DENND2C: variants seen among roughly 807,000 people sequenced by gnomAD.
DENND2C encodes DENN domain containing 2C, also known as DENN domain-containing protein 2C.
A neutral mutation model predicts 112.4 loss-of-function variants in DENND2C; 72 were observed. That is an observed-to-expected ratio of 0.64 (90% confidence interval 0.53 to 0.78). The LOEUF (loss-of-function observed/expected upper bound fraction) is 0.78, where lower values mean the gene tolerates loss of function less well. DENND2C is among the 30% of genes least tolerant of loss of function. DENND2C has a pLI of 0.00. For missense variants in DENND2C, 992 were observed against 1,113.8 expected (o/e 0.89, Z 1.56); for synonymous variants, 329 against 381.6 (o/e 0.86, Z 1.61).
intron 4 of DENND2C, among the ~76,000 whole-genome samples, chr1:114,623,875 T>G (rs1656258379): frequency 6.6e-6 from 1 of 152,074 alleles, no homozygotes; most frequent in Non-Finnish European, 1.5e-5. Context: ...CACCTGGGAT[T>G]AGAGGCGCGT....
intron 9 of DENND2C, among the ~76,000 whole-genome samples, chr1:114,609,210 C>T (rs920034593): frequency 1.3e-5 from 2 of 152,118 alleles, no homozygotes; most frequent in Non-Finnish European, 2.9e-5. Context: ...GAAAATGTCA[C>T]GAAAAAGCGC....
intron 3 of DENND2C, among the ~76,000 whole-genome samples, chr1:114,629,980 T>C (rs1411935325): frequency 6.6e-6 from 1 of 152,196 alleles, no homozygotes; most frequent in African/African-American, 2.4e-5. Context: ...TACAAAATAA[T>C]GAAGGGGTAC....
intron 2 of DENND2C, 130 bp from the exon 3 acceptor site, chr1:114,645,689 G>T (rs552706427): frequency 2.0e-4 from 31 of 152,172 alleles, no homozygotes; most frequent in Non-Finnish European, 3.5e-4. Flanking sequence ...AATTAAGCAA[G>T]GATTTTTGTT....
In DENND2C at chr1:114,625,686, T is replaced by A. The variant is rs753251455; in HGVS notation, c.299A>T (p.His100Leu). 6.2e-7 allele frequency: 1 copy of A among 1,614,120 alleles called. No individual in the cohort carries two copies. Among genetic ancestry groups the A allele is most frequent in the East Asian group, 2.2e-5 (1 of 44,872 alleles). Residue 100 changes from histidine to leucine, a missense_variant, in exon 4 of 21, where the codon CAT (histidine) becomes CTT (leucine). By Grantham distance (99) the His-to-Leu change is moderately conservative (BLOSUM62 -3). Transcript: ENST00000393274. ...HDQSENENKKHEYDDTHFFKN... is the reference protein window; with the variant it reads ...HDQSENENKKLEYDDTHFFKN... ...AAAGAAGTGTGTATCGTCATATTCA[T>A]GTTTCTTATTTTCATTCTCACTTTG...
rs1446512805 is a variant in DENND2C at position 114,625,784 on chromosome 1, C to G, written c.201G>C (p.Lys67Asn). 1 of 1,613,848 alleles carries G rather than the reference C, an allele frequency of 6.2e-7. No homozygotes were observed. Among genetic ancestry groups the G allele is most frequent in the Non-Finnish European group, 8.5e-7 (1 of 1,179,982 alleles). The change falls in exon 4 of 21, where the codon AAG (lysine) becomes AAC (asparagine). Residue 67 changes from lysine (K) to asparagine (N), a missense_variant. Lys to Asn is a moderately conservative substitution (Grantham distance 94, BLOSUM62 0). Transcript: ENST00000393274. ...GGCTGGTTACATCCAAGTTTTTGCTCTTTCTCTCAGCTATAGGATTTTTCT... is the reference window on the plus strand; with the variant it reads ...GGCTGGTTACATCCAAGTTTTTGCTGTTTCTCTCAGCTATAGGATTTTTCT... Reference protein sequence around the residue: ...RLKKNPIAERKSKNLDVTSRE... With the variant: ...RLKKNPIAERNSKNLDVTSRE...
chr1:114,626,510 C>CTTTTTTT (rs11412901), intron 3 of DENND2C, among the ~76,000 whole-genome samples: 2 of 122,872 alleles, frequency 1.6e-5, no homozygotes, highest in African/African-American at 3.1e-5. Flanking sequence ...TAAATTAATT[C>CTTTTTTT]TTTTTTTTTT....
chr1:114,616,196 C>G (rs1257955072), intron 8 of DENND2C, among the ~76,000 whole-genome samples: 1 of 151,974 alleles, frequency 6.6e-6, no homozygotes, highest in African/African-American at 2.4e-5. Context: ...TCAAGATCAG[C>G]CTGGCCAATA....
intron 1 of DENND2C, among the ~76,000 whole-genome samples, chr1:114,663,953 T>G (rs77332671): frequency 6.9e-6 from 1 of 145,506 alleles, no homozygotes; most frequent in Non-Finnish European, 1.5e-5. Context: ...CTGCTATTCT[T>G]TTTTTTTTTT....
intron 3 of DENND2C, among the ~76,000 whole-genome samples, chr1:114,627,804 AG>A (rs1466393348): frequency 3.3e-5 from 5 of 152,256 alleles, no homozygotes; most frequent in African/African-American, 1.2e-4. Flanking sequence ...CTAGGATTTT[AG>A]GGTGTCTTTG....
chr1:114,613,566 T>A (rs895874521), intron 8 of DENND2C, among the ~76,000 whole-genome samples: 10 of 152,166 alleles, frequency 6.6e-5, no homozygotes, highest in Middle Eastern at 3.4e-3. Flanking sequence ...GAGAAAGAAA[T>A]AAACACTGTG....
chr1:114,612,476 C>G (rs1655849697), intron 8 of DENND2C, among the ~76,000 whole-genome samples: 1 of 151,316 alleles, frequency 6.6e-6, no homozygotes, highest in South Asian at 2.1e-4. Context: ...CCTCAGCTTC[C>G]AGAGTAGGCT....
intron 2 of DENND2C, among the ~76,000 whole-genome samples, chr1:114,645,954 T>G (rs1457726170): frequency 2.0e-5 from 3 of 151,520 alleles, no homozygotes. Flanking sequence ...TGAGACAGAG[T>G]CTCGCTCTGT....
At chr1:114,605,418 A>G (rs909311853) in intron 10 of DENND2C, among the ~76,000 whole-genome samples, 2 of 152,222 alleles carry the variant, frequency 1.3e-5, no homozygotes, top group Admixed American at 6.5e-5. Context: ...CCATTCTTCA[A>G]TGTACTGAGA....
chr1:114,667,062 C>A (rs886767327), intron 1 of DENND2C, among the ~76,000 whole-genome samples: 2 of 152,194 alleles, frequency 1.3e-5, no homozygotes, highest in Non-Finnish European at 2.9e-5. Context: ...GACTACAACA[C>A]ATTCCTCAAA....
At chr1:114,586,588 A>T (rs577392446) in intron 20 of DENND2C, 1 of 152,176 alleles carries the variant, frequency 6.6e-6, no homozygotes, top group South Asian at 2.1e-4. Context: ...TGAAACTAGC[A>T]TCATGGTTTA....
intron 3 of DENND2C, among the ~76,000 whole-genome samples, chr1:114,636,734 TA>T (rs1026775590): frequency 1.6e-4 from 24 of 151,052 alleles, no homozygotes; most frequent in African/African-American, 3.2e-4. Flanking sequence ...ATAGAGATTG[TA>T]AAAGAAGTAA....
At chr1:114,647,873 T>C (rs540722905) in intron 2 of DENND2C, among the ~76,000 whole-genome samples, 10 of 152,208 alleles carry the variant, frequency 6.6e-5, no homozygotes, top group African/African-American at 2.2e-4. Flanking sequence ...AATGGCGCCA[T>C]CTTGGCTCAC....
In DENND2C at chr1:114,601,580, T is replaced by C. The variant is rs141360227; in HGVS notation, c.1743A>G (p.Val581=). 2.9e-4 allele frequency: 473 copies of C among 1,608,960 alleles called. No individual in the cohort carries two copies. In the African/African-American group the frequency reaches 5.5e-3, roughly 19 times the overall value. Residue 581 remains valine, a synonymous_variant, in exon 13 of 21, where the codon GTA becomes GTG. Transcript: ENST00000393274. ...WFGYCKKLLP[V]GKGKRLPEVY... is the part of the protein sequence containing the mutation. ...CCTCAGGGAGTCGCTTTCCTTTGCC[T>C]ACTGGCTAAAAGATAAAAACAACAA...
At chr1:114,665,272 A>G (rs200691674) in intron 1 of DENND2C, among the ~76,000 whole-genome samples, 6 of 3,660 alleles carry the variant, frequency 1.6e-3, no homozygotes, top group East Asian at 5.7e-3. Flanking sequence ...CTGTCTCTTG[A>G]AAAAAAAAAA....
Sources: allele counts gnomAD v4.1 joint callset (sites outside exome capture counted in the v4.1 genomes callset), GRCh38; gene constraint gnomAD v4.1.1; transcripts MANE v1.5; gene names NCBI Gene and HGNC (gene_info 2026-07-23, HGNC 2026-07-21).